HEMK2: variants seen among roughly 807,000 people sequenced by gnomAD.
HEMK2 encodes the protein methyltransferase HEMK2.
chr21:28,674,249 CCTT>C, the HEMK2 span, among the ~76,000 whole-genome samples: 1 of 152,198 alleles, frequency 6.6e-6, no homozygotes, highest in Non-Finnish European at 1.5e-5. Context: ...ATAATCCACT[CCTT>C]GTTTAGCATA....
the HEMK2 span, among the ~76,000 whole-genome samples, chr21:28,834,165 G>C: frequency 6.6e-6 from 1 of 152,188 alleles, no homozygotes; most frequent in East Asian, 1.9e-4. Flanking sequence ...ATGGGAGGTA[G>C]GACTAGATTG....
the HEMK2 span, among the ~76,000 whole-genome samples, chr21:28,634,685 T>C: frequency 1.3e-5 from 2 of 152,188 alleles, no homozygotes; most frequent in Admixed American, 6.5e-5. Context: ...TTACTGGTTA[T>C]ATGAACTTAG....
chr21:28,797,767 G>A, the HEMK2 span, among the ~76,000 whole-genome samples: 8 of 152,204 alleles, frequency 5.3e-5, no homozygotes, highest in Non-Finnish European at 8.8e-5. Context: ...ACTAGCTTGT[G>A]TAAAACAGAA....
the HEMK2 span, among the ~76,000 whole-genome samples, chr21:28,658,468 T>A: frequency 6.6e-6 from 1 of 152,078 alleles, no homozygotes; most frequent in Admixed American, 6.6e-5. Context: ...TAGGTGCCCA[T>A]TTTAAATTGC....
the HEMK2 span, among the ~76,000 whole-genome samples, chr21:28,708,514 G>A: frequency 9.2e-5 from 14 of 152,166 alleles, no homozygotes; most frequent in African/African-American, 3.4e-4. Flanking sequence ...GTGGGCACAG[G>A]TTAAACAGGT....
chr21:28,767,662 A>G, the HEMK2 span, among the ~76,000 whole-genome samples: 6 of 152,158 alleles, frequency 3.9e-5, no homozygotes, highest in Admixed American at 3.9e-4. Flanking sequence ...AACCACACAC[A>G]GAGCCGAGAG....
chr21:28,717,630 C>T, the HEMK2 span, among the ~76,000 whole-genome samples: 4 of 151,932 alleles, frequency 2.6e-5, no homozygotes, highest in Non-Finnish European at 5.9e-5. Context: ...CAGGTGCATG[C>T]CACCACCTCC....
the HEMK2 span, among the ~76,000 whole-genome samples, chr21:28,840,834 A>T: frequency 6.6e-6 from 1 of 150,594 alleles, no homozygotes; most frequent in African/African-American, 2.4e-5. Flanking sequence ...TTGATCCAGC[A>T]ATCCCACTAC....
At chr21:28,654,636 T>C in the HEMK2 span, among the ~76,000 whole-genome samples, 3 of 152,212 alleles carry the variant, frequency 2.0e-5, no homozygotes, top group South Asian at 2.1e-4. Flanking sequence ...TCTCTTAACG[T>C]CTCATTTTCA....
At chr21:28,613,097 A>AAGAT in the HEMK2 span, among the ~76,000 whole-genome samples, 3,301 of 150,886 alleles carry the variant, frequency 0.022, 117 homozygotes, top group African/African-American at 0.074. Context: ...GATAGATAGA[A>AAGAT]AGATAGATAG....
At chr21:28,631,721 G>T in the HEMK2 span, among the ~76,000 whole-genome samples, 1 of 151,158 alleles carries the variant, frequency 6.6e-6, no homozygotes, top group Admixed American at 6.6e-5. Flanking sequence ...CCATTTTCTT[G>T]TGTATTTCAC....
chr21:28,659,068 A>G, the HEMK2 span, among the ~76,000 whole-genome samples: 2 of 152,118 alleles, frequency 1.3e-5, no homozygotes, highest in Non-Finnish European at 2.9e-5. Flanking sequence ...GATACAAACT[A>G]TCAGTCAAAA....
the HEMK2 span, among the ~76,000 whole-genome samples, chr21:28,808,246 C>G: frequency 6.6e-6 from 1 of 152,170 alleles, no homozygotes; most frequent in Non-Finnish European, 1.5e-5. Context: ...AAACTCATTT[C>G]AGGACCACAT....
chr21:28,595,221 T>G, the HEMK2 span, among the ~76,000 whole-genome samples: 2 of 152,172 alleles, frequency 1.3e-5, no homozygotes, highest in South Asian at 4.1e-4. Context: ...ACAACTACAT[T>G]ATTATTGACT....
chr21:28,851,433 C>A, the HEMK2 span, among the ~76,000 whole-genome samples: 1 of 152,188 alleles, frequency 6.6e-6, no homozygotes, highest in Admixed American at 6.5e-5. Context: ...CAGAGTAACA[C>A]ACTTAAATGA....
chr21:28,635,235 T>C, the HEMK2 span, among the ~76,000 whole-genome samples: 2 of 151,990 alleles, frequency 1.3e-5, no homozygotes, highest in African/African-American at 4.8e-5. Flanking sequence ...CCAAGCTAGC[T>C]GGCATTACGG....
At chr21:28,780,677 T>C in the HEMK2 span, among the ~76,000 whole-genome samples, 2 of 152,202 alleles carry the variant, frequency 1.3e-5, no homozygotes, top group Admixed American at 1.3e-4. Flanking sequence ...GAACTAAAGC[T>C]TTGCTCACTA....
the HEMK2 span, among the ~76,000 whole-genome samples, chr21:28,579,703 C>T: frequency 3.9e-5 from 6 of 152,150 alleles, no homozygotes; most frequent in Admixed American, 1.3e-4. Context: ...TTTACCTATT[C>T]AAAATTGTGC....
the HEMK2 span, among the ~76,000 whole-genome samples, chr21:28,766,891 G>C: frequency 6.6e-6 from 1 of 151,978 alleles, no homozygotes; most frequent in South Asian, 2.1e-4. Context: ...ACTATGTATT[G>C]GTTATACTGT....
Sources: allele counts gnomAD v4.1 joint callset (sites outside exome capture counted in the v4.1 genomes callset), GRCh38; gene constraint gnomAD v4.1.1; transcripts MANE v1.5; gene names NCBI Gene and HGNC (gene_info 2026-07-23, HGNC 2026-07-21).